The following MAPKAP1 variants were observed in gnomAD, a reference collection of about 807,000 sequenced individuals.
MAPKAP1 encodes MAPK associated protein 1.
Under a neutral mutation model 65.7 loss-of-function variants are expected in MAPKAP1, and 20 were observed. The ratio of observed to expected loss-of-function variants is 0.30; its 90% confidence interval spans 0.21 to 0.44. The LOEUF is 0.44. MAPKAP1 is among the 20% of genes least tolerant of loss of function. MAPKAP1 has a pLI of 1.00. For synonymous variants in MAPKAP1, 222 were observed against 244.3 expected (o/e 0.91, Z 0.85); for missense variants, 423 against 648.0 (o/e 0.65, Z 3.77).
At chr9:125,601,626 G>C (rs1832302562) in intron 4 of MAPKAP1, among the ~76,000 whole-genome samples, 1 of 152,104 alleles carries the variant, frequency 6.6e-6, no homozygotes, top group African/African-American at 2.4e-5. Flanking sequence ...GCATAAATGC[G>C]CTTACTACTT....
chr9:125,642,606 G>C (rs1833610771), intron 4 of MAPKAP1, among the ~76,000 whole-genome samples: 1 of 152,168 alleles, frequency 6.6e-6, no homozygotes, highest in East Asian at 1.9e-4. Context: ...ACACAGTTCT[G>C]AGAAATCTTC....
chr9:125,660,972 T>C (rs1834168587), intron 3 of MAPKAP1, among the ~76,000 whole-genome samples: 1 of 151,806 alleles, frequency 6.6e-6, no homozygotes. Context: ...AAAAGACAAA[T>C]GATAAATTAG....
At chr9:125,509,854 A>G (rs1829249918) in intron 7 of MAPKAP1, among the ~76,000 whole-genome samples, 1 of 152,190 alleles carries the variant, frequency 6.6e-6, no homozygotes, top group Non-Finnish European at 1.5e-5. Flanking sequence ...GGAGTCAGGG[A>G]GTACCAGGAA....
At chr9:125,576,380 T>C (rs1831396567) in intron 5 of MAPKAP1, among the ~76,000 whole-genome samples, 1 of 152,232 alleles carries the variant, frequency 6.6e-6, no homozygotes, top group African/African-American at 2.4e-5. Context: ...TGGAAGGATA[T>C]GTATGGGAAC....
At chr9:125,514,409 A>G (rs1354863441) in intron 7 of MAPKAP1, among the ~76,000 whole-genome samples, 1 of 152,158 alleles carries the variant, frequency 6.6e-6, no homozygotes, top group Non-Finnish European at 1.5e-5. Flanking sequence ...TGATGCTCAA[A>G]AAATATTCAT....
intron 5 of MAPKAP1, among the ~76,000 whole-genome samples, chr9:125,574,011 T>C (rs1015266328): frequency 2.6e-5 from 4 of 152,238 alleles, no homozygotes; most frequent in African/African-American, 9.6e-5. Flanking sequence ...TACTCACCAC[T>C]GTATACCCAG....
At chr9:125,542,346 G>A (rs1449435829) in intron 7 of MAPKAP1, among the ~76,000 whole-genome samples, 1 of 152,110 alleles carries the variant, frequency 6.6e-6, no homozygotes, top group African/African-American at 2.4e-5. Context: ...TAAAATCAAA[G>A]GTGTTTAAGA....
At chr9:125,521,799 ACTT>A in intron 7 of MAPKAP1, 2 of 1,592,028 alleles carry the variant, frequency 1.3e-6, no homozygotes, top group Non-Finnish European at 1.7e-6. Context: ...CAAAAATGAG[ACTT>A]CATTTATCTT....
intron 1 of MAPKAP1, among the ~76,000 whole-genome samples, chr9:125,696,817 T>G (rs1271884971): frequency 1.3e-5 from 2 of 152,240 alleles, no homozygotes; most frequent in East Asian, 3.8e-4. Flanking sequence ...GCTGCCCAAT[T>G]CATGAATCGC....
chr9:125,625,542 C>T (rs1589358851), intron 4 of MAPKAP1, among the ~76,000 whole-genome samples: 1 of 152,154 alleles, frequency 6.6e-6, no homozygotes, highest in South Asian at 2.1e-4. Context: ...CGCCTGTAAT[C>T]CCAGCATTTT....
intron 1 of MAPKAP1, among the ~76,000 whole-genome samples, chr9:125,689,036 T>C (rs1835074602): frequency 6.6e-6 from 1 of 152,160 alleles, no homozygotes; most frequent in African/African-American, 2.4e-5. Flanking sequence ...CATGACTACA[T>C]ACTACACGCT....
intron 1 of MAPKAP1, among the ~76,000 whole-genome samples, chr9:125,677,649 T>C (rs543285859): frequency 2.0e-5 from 3 of 151,986 alleles, no homozygotes; most frequent in South Asian, 2.1e-4. Context: ...TGAGCCGAAA[T>C]TGCCACTGCA....
chr9:125,605,769 G>C (rs745419513), intron 4 of MAPKAP1, among the ~76,000 whole-genome samples: 1 of 152,150 alleles, frequency 6.6e-6, no homozygotes, highest in African/African-American at 2.4e-5. Context: ...AGGAAACAAT[G>C]GAACAACAAA....
chr9:125,654,859 T>C (rs1554837719), intron 4 of MAPKAP1, among the ~76,000 whole-genome samples: 2 of 152,154 alleles, frequency 1.3e-5, no homozygotes, highest in Non-Finnish European at 2.9e-5. Flanking sequence ...AGTTTAATCT[T>C]AAGGAGGATT....
At chr9:125,459,143 C>T (rs1853344863) in intron 10 of MAPKAP1, among the ~76,000 whole-genome samples, 1 of 145,138 alleles carries the variant, frequency 6.9e-6, no homozygotes, top group Non-Finnish European at 1.5e-5. Context: ...GACGGGGTCG[C>T]GGCCGGGCAG....
At chr9:125,632,980 A>G (rs1833329644) in intron 4 of MAPKAP1, among the ~76,000 whole-genome samples, 1 of 152,206 alleles carries the variant, frequency 6.6e-6, no homozygotes, top group South Asian at 2.1e-4. Context: ...CAAGAAAGAA[A>G]TGGGCTTGTT....
intron 4 of MAPKAP1, among the ~76,000 whole-genome samples, chr9:125,624,668 G>A (rs1240775973): frequency 2.9e-5 from 2 of 70,000 alleles, no homozygotes; most frequent in Non-Finnish European, 6.0e-5. Context: ...GGTGAGGGGC[G>A]CCTCTGCCCG....
intron 1 of MAPKAP1, among the ~76,000 whole-genome samples, chr9:125,677,080 T>C (rs1213673627): frequency 1.3e-5 from 2 of 152,216 alleles, no homozygotes; most frequent in Non-Finnish European, 2.9e-5. Context: ...CTTTCACAAA[T>C]GCTGTCTCTT....
intron 1 of MAPKAP1, among the ~76,000 whole-genome samples, chr9:125,701,925 T>A (rs2131882982): frequency 6.6e-6 from 1 of 152,340 alleles, no homozygotes; most frequent in East Asian, 1.9e-4. Flanking sequence ...CAATTTACCA[T>A]GAGATTTCTA....
Sources: gnomAD v4.1 joint callset for allele counts (sites outside exome capture counted in the v4.1 genomes callset) on GRCh38, gnomAD v4.1.1 for gene constraint, MANE v1.5 for transcripts, NCBI Gene and HGNC (gene_info 2026-07-23, HGNC 2026-07-21) for gene names.